TFCP2L1: variants seen among roughly 807,000 people sequenced by gnomAD.
TFCP2L1 encodes transcription factor CP2 like 1.
TFCP2L1 carries 12 observed loss-of-function variants against 72.2 expected under a neutral mutation model. The observed-to-expected ratio is 0.17, with a 90% CI of 0.11 to 0.27. TFCP2L1 has a LOEUF of 0.27. TFCP2L1 is among the 10% of genes least tolerant of loss of function. TFCP2L1 has a pLI of 1.00. For synonymous variants in TFCP2L1, 260 were observed against 251.0 expected (o/e 1.04, Z -0.34); for missense variants, 488 against 624.6 (o/e 0.78, Z 2.33).
At chr2:121,258,872 T>TC (rs1405722822) in intron 2 of TFCP2L1, among the ~76,000 whole-genome samples, 1 of 152,158 alleles carries the variant, frequency 6.6e-6, no homozygotes, top group African/African-American at 2.4e-5. Flanking sequence ...GATGTTAAAT[T>TC]CCCCAATTTG....
At position 121,277,291 on chromosome 2, in the gene TFCP2L1, G is replaced by A. The variant is rs560453770; in HGVS notation, c.214+3829C>T. Among the ~76,000 whole-genome samples the A allele has an allele frequency of 3.3e-5, 5 of 152,302 alleles. No homozygotes were observed. In the South Asian group the frequency reaches 8.3e-4, roughly 25 times the overall value. ...GAGGAGGGAGGATCACTTGAGCTCA[G>A]AAATTTGGGTCCAGCCTGGGCAACC... On this transcript the variant is annotated intron_variant, in intron 2 of 14. Transcript: ENST00000263707.
At chr2:121,269,710 A>C (rs1487300750) in intron 2 of TFCP2L1, among the ~76,000 whole-genome samples, 1 of 152,064 alleles carries the variant, frequency 6.6e-6, no homozygotes, top group Non-Finnish European at 1.5e-5. Context: ...GGAGTTCGAG[A>C]CCAGCCTGGC....
intron 7 of TFCP2L1, among the ~76,000 whole-genome samples, 167 bp from the exon 8 acceptor site, chr2:121,239,816 C>T (rs1189381863): frequency 1.3e-5 from 2 of 152,290 alleles, no homozygotes; most frequent in South Asian, 2.1e-4. Flanking sequence ...AGGCAGGTTA[C>T]GAGGGCCACA....
chr2:121,273,901 T>C (rs975449831), intron 2 of TFCP2L1, among the ~76,000 whole-genome samples: 53 of 152,258 alleles, frequency 3.5e-4, no homozygotes, highest in Non-Finnish European at 6.6e-4. Flanking sequence ...AAGACCAGCC[T>C]GGCCAACATG....
In TFCP2L1 at chr2:121,281,224, G is replaced by T. The variant is rs1194016225; in HGVS notation, c.110C>A (p.Ser37Tyr). The T allele has an allele frequency of 3.1e-6, 5 of 1,611,900 alleles. No individual in the cohort carries two copies. The highest frequency in any genetic ancestry group is 2.5e-6 in the Non-Finnish European group (3 of 1,179,442). Residue 37 changes from serine to tyrosine, a missense_variant, in exon 2 of 15, where the codon TCC becomes TAC. Around this residue, in one of 3 missense-constraint regions of TFCP2L1, gnomAD observed 73 missense variants for 59.7 expected, o/e 1.22. Coordinates refer to ENST00000263707, the MANE Select transcript of TFCP2L1 (RefSeq NM_014553.3). ...PIFKQEEPQL[S>Y]PENEARLPPL... ...TGGCAGGCGGGCCTCGTTCTCGGGG[G>T]ACAGCTGGGGTTCCTCCTGCTTGAA...
Position 121,246,968 on chromosome 2 carries a change from T to C in TFCP2L1, c.507A>G (p.Val169=), listed in dbSNP as rs1330911781. Residue 169 remains valine (V), a splice_region_variant and synonymous_variant, in exon 6 of 15, where the codon GTA becomes GTG. Transcript: ENST00000263707. The part of the protein sequence containing the change: ...PAKRASAFIQ[V]HCISTEFTPR... ...GGGTGAATTCTGTGCTGATGCAGTG[T>C]ACCTGGGAGGAGAAACGTTGGGCAG... 6.2e-7 allele frequency: 1 copy of C among 1,613,984 alleles called. No homozygotes were observed. Among genetic ancestry groups the C allele is most frequent in the Non-Finnish European group, 8.5e-7 (1 of 1,179,998 alleles).
At chr2:121,257,228 C>G (rs925397206) in intron 2 of TFCP2L1, among the ~76,000 whole-genome samples, 1 of 152,132 alleles carries the variant, frequency 6.6e-6, no homozygotes, top group African/African-American at 2.4e-5. Context: ...TGACAGGCTC[C>G]ACTCACCACC....
chr2:121,268,119 C>G (rs1380322870), intron 2 of TFCP2L1, among the ~76,000 whole-genome samples: 1 of 152,084 alleles, frequency 6.6e-6, no homozygotes, highest in Admixed American at 6.5e-5. Flanking sequence ...CTCTCTAAAA[C>G]AAACAAAAAA....
chr2:121,223,772 A>G lies in TFCP2L1; in HGVS notation c.*569T>C, dbSNP rs910859031. ...GAAGGCACAGAATAGCCCCACTCCC[A>G]TCAATTCATCCAAGAACAGGAAAGG... On this transcript the variant is annotated 3_prime_UTR_variant, in exon 15 of 15. Transcript: ENST00000263707. The G allele has an allele frequency of 2.5e-5, 4 of 160,986 alleles. No individual in the cohort carries two copies. The highest frequency in any genetic ancestry group is 4.2e-5 in the Non-Finnish European group (3 of 72,280). The allele number at this position is 160,986 out of a possible 1,614,324, so 10.0% of individuals were successfully genotyped here. A position where few individuals can be genotyped will look rare whatever the true frequency, so the allele number is the denominator to read the frequency against.
At chr2:121,269,918 A>AAAAAAAAAAAATATATAT in intron 2 of TFCP2L1, among the ~76,000 whole-genome samples, 8 of 115,168 alleles carry the variant, frequency 6.9e-5, no homozygotes, top group African/African-American at 2.2e-4. Flanking sequence ...AAAAAAAAAA[A>AAAAAAAAAAAATATATAT]ATATATATAT....
rs59300568 is a variant in TFCP2L1, at chr2:121,228,772, CAAAAA to C, written c.1341+3049_1341+3053del. Among the ~76,000 whole-genome samples the C allele has an allele frequency of 2.6e-4, 15 of 58,180 alleles. No individual in the cohort carries two copies. In the Admixed American group the frequency reaches 3.6e-3, roughly 14 times the overall value. The allele number at this position is 58,180 out of a possible 152,430, so 38.2% of individuals were successfully genotyped here. A position where few individuals can be genotyped will look rare whatever the true frequency, so the allele number is the denominator to read the frequency against. ...GGTTACAGAGTGAAACCGTGACTCA[CAAAAA>C]AAAAAAAAAAAAAAAAAAAGCTCGC... On this transcript the variant is annotated intron_variant, in intron 13 of 14. Transcript: ENST00000263707.
At chr2:121,239,535 G>T in intron 8 of TFCP2L1, 23 bp downstream of exon 8, 1 of 1,613,094 alleles carries the variant, frequency 6.2e-7, no homozygotes, top group South Asian at 1.1e-5. Context: ...CAGGGAACCC[G>T]AAGAAAGAGA....
Position 121,224,246 on chromosome 2 carries a change from G to A in TFCP2L1, c.*95C>T. On this transcript the variant is annotated 3_prime_UTR_variant, in exon 15 of 15. Coordinates refer to ENST00000263707, the MANE Select transcript of TFCP2L1 (RefSeq NM_014553.3). ...GCAGGGTCCCTCCTGGCCTCAGCTTGCCTGGTGAGGCCACAGCTTACAGTG... is the reference window on the plus strand; with the variant it reads ...GCAGGGTCCCTCCTGGCCTCAGCTTACCTGGTGAGGCCACAGCTTACAGTG... 6.8e-7 allele frequency: 1 copy of A among 1,477,050 alleles called. No homozygotes were observed. Among genetic ancestry groups the A allele is most frequent in the Non-Finnish European group, 9.4e-7 (1 of 1,067,802 alleles). The allele number at this position is 1,477,050 out of a possible 1,614,324, so 91.5% of individuals were successfully genotyped here.
chr2:121,240,342 T>C (rs2104686015), intron 7 of TFCP2L1: 1 of 985,434 alleles, frequency 1.0e-6, no homozygotes, highest in South Asian at 4.7e-5. Context: ...AGGTTTTGTC[T>C]GCTGGAGAAA....
At chr2:121,267,326 T>C (rs1686951349) in intron 2 of TFCP2L1, among the ~76,000 whole-genome samples, 1 of 152,174 alleles carries the variant, frequency 6.6e-6, no homozygotes, top group Admixed American at 6.5e-5. Context: ...GCTAGTACTA[T>C]AAGCATGAAC....
intron 2 of TFCP2L1, among the ~76,000 whole-genome samples, chr2:121,278,731 T>C (rs1366306524): frequency 7.1e-6 from 1 of 140,494 alleles, no homozygotes; most frequent in Non-Finnish European, 1.5e-5. Context: ...TGGCCAGGCC[T>C]GGTGGCTCAC....
chr2:121,276,605 T>G (rs1687151743), intron 2 of TFCP2L1, among the ~76,000 whole-genome samples: 1 of 147,158 alleles, frequency 6.8e-6, no homozygotes, highest in Non-Finnish European at 1.5e-5. Flanking sequence ...TGCACTCCAG[T>G]CGGGGTGATG....
intron 2 of TFCP2L1, among the ~76,000 whole-genome samples, chr2:121,263,412 G>A (rs995527977): frequency 2.3e-5 from 3 of 132,426 alleles, no homozygotes; most frequent in Non-Finnish European, 3.1e-5. Context: ...TCTTGAAGAC[G>A]CACAAGCAAA....
chr2:121,274,080 C>T lies in TFCP2L1; in HGVS notation c.214+7040G>A, dbSNP rs189045878. Among the ~76,000 whole-genome samples the T allele has an allele frequency of 1.7e-3, 233 of 139,198 alleles. 2 individuals carry two copies. In the Middle Eastern group the frequency reaches 0.029, roughly 17 times the overall value. 91.3% of individuals were successfully genotyped at this position (139,198 alleles called of 152,430 possible). On this transcript the variant is annotated intron_variant, in intron 2 of 14. Coordinates refer to ENST00000263707, the MANE Select transcript of TFCP2L1 (RefSeq NM_014553.3). ...CTGCAATCCAGCCTGGGCAGCAGAG[C>T]GAGACTCTGTCTCCAAAAAAAAAAA...
Sources: allele counts gnomAD v4.1 joint callset (sites outside exome capture counted in the v4.1 genomes callset), GRCh38; gene constraint gnomAD v4.1.1; regional missense constraint gnomAD v4.1.1; transcripts MANE v1.5; gene names NCBI Gene and HGNC (gene_info 2026-07-23, HGNC 2026-07-21).